The following PDZRN4 variants were observed in gnomAD, a reference collection of about 807,000 sequenced individuals.
The protein encoded by PDZRN4 is PDZ domain containing ring finger 4.
A neutral mutation model predicts 99.0 loss-of-function variants in PDZRN4; 70 were observed. The ratio of observed to expected loss-of-function variants is 0.71; its 90% CI spans 0.58 to 0.86. The LOEUF (loss-of-function observed/expected upper bound fraction) is 0.86, where lower values mean the gene tolerates loss of function less well. PDZRN4 is among the 40% of genes least tolerant of loss of function. PDZRN4 has a pLI of 0.00. For synonymous variants in PDZRN4, 551 were observed against 501.6 expected (o/e 1.10, Z -1.32); for missense variants, 1,474 against 1,331.2 (o/e 1.11, Z -1.67).
intron 3 of PDZRN4, among the ~76,000 whole-genome samples, chr12:41,418,830 T>G (rs955280290): frequency 3.3e-5 from 5 of 152,160 alleles, no homozygotes; most frequent in East Asian, 3.9e-4. Flanking sequence ...GTGACCAGCG[T>G]AGGGTGTAGG....
intron 5 of PDZRN4, among the ~76,000 whole-genome samples, chr12:41,533,220 G>C (rs1358507870): frequency 6.6e-6 from 1 of 151,320 alleles, no homozygotes; most frequent in Non-Finnish European, 1.5e-5. Flanking sequence ...TGTCCCCCAG[G>C]CTGGAGGGCA....
intron 3 of PDZRN4, among the ~76,000 whole-genome samples, chr12:41,330,288 G>A (rs1951734228): frequency 1.3e-5 from 2 of 152,040 alleles, no homozygotes; most frequent in African/African-American, 2.4e-5. Context: ...ATAGAAGAAA[G>A]AGTTATCTTG....
intron 5 of PDZRN4, among the ~76,000 whole-genome samples, chr12:41,536,986 TG>T (rs1231709961): frequency 1.3e-5 from 2 of 152,182 alleles, no homozygotes; most frequent in African/African-American, 4.8e-5. Context: ...CTTGAATCGT[TG>T]TTTCCTGAGT....
At chr12:41,196,905 G>A (rs1950777080) in intron 3 of PDZRN4, among the ~76,000 whole-genome samples, 1 of 151,898 alleles carries the variant, frequency 6.6e-6, no homozygotes, top group African/African-American at 2.4e-5. Context: ...ATTTCAAATG[G>A]TCATGCTGAT....
intron 8 of PDZRN4, among the ~76,000 whole-genome samples, chr12:41,567,091 C>T (rs551477893): frequency 6.6e-6 from 1 of 152,294 alleles, no homozygotes; most frequent in African/African-American, 2.4e-5. Context: ...CCTGCATGCC[C>T]CACACCACTC....
chr12:41,470,940 C>T (rs1267230707), intron 3 of PDZRN4, among the ~76,000 whole-genome samples: 1 of 152,154 alleles, frequency 6.6e-6, no homozygotes, highest in Non-Finnish European at 1.5e-5. Flanking sequence ...CAATAAACAG[C>T]CTAGAAGTTC....
At chr12:41,361,410 T>C (rs2121058923) in intron 3 of PDZRN4, among the ~76,000 whole-genome samples, 1 of 152,158 alleles carries the variant, frequency 6.6e-6, no homozygotes, top group South Asian at 2.1e-4. Context: ...ATAAAGATGA[T>C]TGTCCCTGAA....
At chr12:41,429,341 A>G (rs1284284989) in intron 3 of PDZRN4, among the ~76,000 whole-genome samples, 1 of 152,230 alleles carries the variant, frequency 6.6e-6, no homozygotes, top group Non-Finnish European at 1.5e-5. Flanking sequence ...TACATATTCA[A>G]TGCAGCAGTA....
At chr12:41,257,355 A>C (rs1420745642) in intron 3 of PDZRN4, among the ~76,000 whole-genome samples, 3 of 152,150 alleles carry the variant, frequency 2.0e-5, no homozygotes, top group Non-Finnish European at 4.4e-5. Flanking sequence ...GGCCTCTTTC[A>C]TAAGGGCACT....
Position 41,506,444 on chromosome 12 carries a change from A to AT in PDZRN4, c.844-11dup, listed in dbSNP as rs763930893. ...TTCCTCTGAGATGAACAATGTCCTT[A>AT]TATGTTTGTAGGTCAATGGGAAGGA... On this transcript the variant is annotated splice_polypyrimidine_tract_variant and intron_variant, in intron 3 of 9. Transcript: ENST00000402685. 3 of 1,601,286 alleles carry AT rather than the reference A, an allele frequency of 1.9e-6. No individual in the cohort carries two copies. In the African/African-American group the frequency reaches 4.0e-5, roughly 21 times the overall value.
chr12:41,406,389 A>C (rs561224923), intron 3 of PDZRN4, among the ~76,000 whole-genome samples: 1 of 152,182 alleles, frequency 6.6e-6, no homozygotes, highest in Non-Finnish European at 1.5e-5. Flanking sequence ...TACTGTTGTC[A>C]GGAGGATGGC....
At position 41,574,557 on chromosome 12, in the gene PDZRN4, GAAAT is replaced by G. The variant is rs1565620791; in HGVS notation, c.*672_*675del. The G allele has an allele frequency of 6.6e-6, 1 of 152,632 alleles. No homozygotes were observed. Among genetic ancestry groups the G allele is most frequent in the Non-Finnish European group, 1.5e-5 (1 of 68,018 alleles). The allele number at this position is 152,632 out of a possible 1,614,324, so 9.5% of individuals were successfully genotyped here. ...TTATGGTAATTGTGACAATTAAAGA[GAAAT>G]AAATTATTGATTATCCTTCAGAAAA... On this transcript the variant is annotated 3_prime_UTR_variant, in exon 10 of 10. Transcript: ENST00000402685.
rs375448063 is a variant in PDZRN4 at position 41,509,049 on chromosome 12, C to T, written c.1101-762C>T. On this transcript the variant is annotated intron_variant, in intron 4 of 9. Coordinates refer to ENST00000402685, the MANE Select transcript of PDZRN4 (RefSeq NM_001164595.2). ...GTCTTTATATCAGAACATACTAAAT[C>T]GAATAACATGTTTACAAACTATTTA... 2.8e-3 allele frequency among the ~76,000 whole-genome samples: 424 copies of T among 152,092 alleles called. 1 individual carries two copies. The highest frequency in any genetic ancestry group is 9.2e-3 in the African/African-American group (381 of 41,498).
intron 3 of PDZRN4, among the ~76,000 whole-genome samples, chr12:41,288,664 T>A (rs1951436964): frequency 6.6e-6 from 1 of 152,202 alleles, no homozygotes; most frequent in Non-Finnish European, 1.5e-5. Context: ...CTGTTGTTAT[T>A]TTATCCTCTT....
chr12:41,401,224 T>A (rs1952286613), intron 3 of PDZRN4, among the ~76,000 whole-genome samples: 1 of 152,074 alleles, frequency 6.6e-6, no homozygotes. Context: ...CAACTTAACA[T>A]TTTGCATGCC....
At chr12:41,215,285 T>C (rs2120709878) in intron 3 of PDZRN4, among the ~76,000 whole-genome samples, 1 of 152,126 alleles carries the variant, frequency 6.6e-6, no homozygotes, top group Non-Finnish European at 1.5e-5. Context: ...TAAGGACTTC[T>C]AGGGAAGAGG....
At chr12:41,197,934 A>G (rs1950788203) in intron 3 of PDZRN4, among the ~76,000 whole-genome samples, 2 of 16,066 alleles carry the variant, frequency 1.2e-4, no homozygotes, top group East Asian at 2.4e-3. Context: ...TTTTTTTTGG[A>G]GACAGGATCT....
At chr12:41,320,535 G>A (rs1951669562) in intron 3 of PDZRN4, among the ~76,000 whole-genome samples, 1 of 152,142 alleles carries the variant, frequency 6.6e-6, no homozygotes, top group Non-Finnish European at 1.5e-5. Flanking sequence ...CCTCTTATCA[G>A]TTCTTCCTTT....
At chr12:41,518,448 A>C (rs1224287537) in intron 5 of PDZRN4, among the ~76,000 whole-genome samples, 1 of 152,036 alleles carries the variant, frequency 6.6e-6, no homozygotes, top group African/African-American at 2.4e-5. Context: ...GATTTTATTT[A>C]AATCATTAAG....
Sources: allele counts gnomAD v4.1 joint callset (sites outside exome capture counted in the v4.1 genomes callset), GRCh38; gene constraint gnomAD v4.1.1; transcripts MANE v1.5; gene names NCBI Gene and HGNC (gene_info 2026-07-23, HGNC 2026-07-21).